Variants in ADAM10 observed in about 807,000 individuals in gnomAD.
ADAM10 encodes disintegrin and metalloproteinase domain-containing protein 10.
ADAM10 carries 17 observed loss-of-function variants against 90.1 expected under a neutral mutation model. The observed-to-expected ratio is 0.19, with a 90% confidence interval of 0.13 to 0.28. ADAM10 has a LOEUF of 0.28. ADAM10 is among the 10% of genes least tolerant of loss of function. The pLI is 1.00. For synonymous variants in ADAM10, 310 were observed against 298.6 expected (o/e 1.04, Z -0.40); for missense variants, 610 against 914.3 (o/e 0.67, Z 4.29).
rs1898646386 is a variant in ADAM10 at position 58,715,981 on chromosome 15, T to C, written c.206+1596A>G. Among the ~76,000 whole-genome samples the C allele has an allele frequency of 2.0e-5, 3 of 152,158 alleles. No individual in the cohort carries two copies. The South Asian group carries it at 6.2e-4, about 32-fold the overall frequency. On this transcript the variant is annotated intron_variant, in intron 2 of 15. Transcript: ENST00000260408. ...TCATTAAAAACAGTAAGACTAATGA[T>C]TGCTTGTAATTTCATAGTACATAAA...
chr15:58,591,603 AG>A lies in ADAM10; in HGVS notation c.*5943del, dbSNP rs1387730651. On this transcript the variant is annotated 3_prime_UTR_variant, in exon 16 of 16. Coordinates refer to ENST00000260408, the MANE Select transcript of ADAM10 (RefSeq NM_001110.4). ...TATGAAAAATTTCAAATATAAACAC[AG>A]GTAGAGAAAATAGTATAATAAATCC... 2 of 152,148 alleles carry A rather than the reference AG, an allele frequency of 1.3e-5. No homozygotes were observed. The highest frequency in any genetic ancestry group is 1.3e-4 in the Admixed American group (2 of 15,274). 9.4% of individuals were successfully genotyped at this position (152,148 alleles called of 1,614,324 possible).
intron 4 of ADAM10, among the ~76,000 whole-genome samples, chr15:58,665,789 A>C (rs961862442): frequency 6.6e-6 from 1 of 151,984 alleles, no homozygotes; most frequent in Non-Finnish European, 1.5e-5. Context: ...TTGTCACCCA[A>C]GTCATTACTG....
intron 14 of ADAM10, among the ~76,000 whole-genome samples, chr15:58,600,829 C>T (rs1435551037): frequency 3.3e-5 from 5 of 152,134 alleles, no homozygotes; most frequent in Non-Finnish European, 1.5e-5. Context: ...TTATTTAACA[C>T]AGGTTACTGT....
At chr15:58,634,470 AT>A (rs1380397007) in intron 8 of ADAM10, among the ~76,000 whole-genome samples, 1 of 152,168 alleles carries the variant, frequency 6.6e-6, no homozygotes, top group Admixed American at 6.5e-5. Flanking sequence ...TATTTTTATC[AT>A]TTTGTACTTC....
At chr15:58,605,958 A>T (rs912009570) in intron 14 of ADAM10, among the ~76,000 whole-genome samples, 2 of 152,020 alleles carry the variant, frequency 1.3e-5, no homozygotes, top group African/African-American at 2.4e-5. Context: ...AGTATCATCT[A>T]AAAAAAAGTG....
intron 15 of ADAM10, among the ~76,000 whole-genome samples, chr15:58,598,152 T>C (rs1220133699): frequency 6.6e-6 from 1 of 152,226 alleles, no homozygotes; most frequent in South Asian, 2.1e-4. Context: ...TTAACGTATA[T>C]AGCCTGTTGT....
At chr15:58,609,972 AC>A (rs1378769534) in intron 14 of ADAM10, 3 of 297,304 alleles carry the variant, frequency 1.0e-5, no homozygotes, top group Admixed American at 9.5e-5. Flanking sequence ...TTGAAAAACA[AC>A]AAAAAAAAAT....
intron 14 of ADAM10, among the ~76,000 whole-genome samples, chr15:58,607,236 A>G (rs2140994518): frequency 6.6e-6 from 1 of 152,356 alleles, no homozygotes; most frequent in South Asian, 2.1e-4. Context: ...AGACCCAGAT[A>G]CTTAAACCCA....
At chr15:58,731,351 G>A (rs1899230080) in intron 1 of ADAM10, among the ~76,000 whole-genome samples, 1 of 152,118 alleles carries the variant, frequency 6.6e-6, no homozygotes, top group African/African-American at 2.4e-5. Context: ...AGGTGCAGTG[G>A]CTCACACCTG....
At chr15:58,600,841 A>G (rs1895088413) in intron 14 of ADAM10, among the ~76,000 whole-genome samples, 2 of 152,206 alleles carry the variant, frequency 1.3e-5, no homozygotes, top group Non-Finnish European at 2.9e-5. Context: ...GGTTACTGTA[A>G]CATATATAAT....
In ADAM10 at chr15:58,675,038, A is replaced by T. The variant is rs112370111; in HGVS notation, c.484+4086T>A. Among the ~76,000 whole-genome samples, 532 of 152,338 alleles carry T rather than the reference A, an allele frequency of 3.5e-3. 5 individuals carry two copies. The highest frequency in any genetic ancestry group is 0.012 in the African/African-American group (511 of 41,568). On this transcript the variant is annotated intron_variant, in intron 4 of 15. Transcript: ENST00000260408. Reference sequence around the variant, plus strand: ...TGGTGAAACCCCGTCTCTACTAAAAATACAAAAATTAGCTGGGCGTGATGG... The same window carrying T: ...TGGTGAAACCCCGTCTCTACTAAAATTACAAAAATTAGCTGGGCGTGATGG...
chr15:58,695,705 G>A lies in ADAM10; in HGVS notation c.207-13391C>T, dbSNP rs77274772. 5.9e-5 allele frequency among the ~76,000 whole-genome samples: 9 copies of A among 152,270 alleles called. No homozygotes were observed. In the East Asian group the frequency reaches 1.4e-3, roughly 23 times the overall value. On this transcript the variant is annotated intron_variant, in intron 2 of 15. Coordinates refer to ENST00000260408, the MANE Select transcript of ADAM10 (RefSeq NM_001110.4). ...TAAAAAAAAAAGAACGAACATTCTG[G>A]CCTGGCACGGTATTGGTGGTAATCC...
chr15:58,731,067 A>G (rs2140837308), intron 1 of ADAM10, among the ~76,000 whole-genome samples: 1 of 152,256 alleles, frequency 6.6e-6, no homozygotes, highest in South Asian at 2.1e-4. Context: ...TCATGTATCT[A>G]TCTGTACATA....
At chr15:58,659,082 G>A (rs143253957) in intron 5 of ADAM10, among the ~76,000 whole-genome samples, 133 of 152,184 alleles carry the variant, frequency 8.7e-4, no homozygotes, top group Admixed American at 4.0e-3. Context: ...AGACCAGCCT[G>A]ACCAACATGG....
intron 2 of ADAM10, among the ~76,000 whole-genome samples, chr15:58,688,653 T>C (rs1897676877): frequency 7.0e-6 from 1 of 143,510 alleles, no homozygotes; most frequent in Non-Finnish European, 1.5e-5. Flanking sequence ...CCAAAAACTG[T>C]CGAAAGAGGG....
intron 14 of ADAM10, 43 bp downstream of exon 14, chr15:58,610,254 C>A: frequency 1.3e-6 from 2 of 1,566,386 alleles, no homozygotes; most frequent in South Asian, 2.2e-5. Context: ...AAATTAAGAT[C>A]AAACCACTTT....
At chr15:58,640,009 T>C (rs1451123833) in intron 8 of ADAM10, among the ~76,000 whole-genome samples, 1 of 152,150 alleles carries the variant, frequency 6.6e-6, no homozygotes, top group Admixed American at 6.5e-5. Context: ...TCAAAGAGCC[T>C]GGGGTCCTTT....
chr15:58,720,270 G>T (rs1898801794), intron 1 of ADAM10, among the ~76,000 whole-genome samples: 1 of 152,124 alleles, frequency 6.6e-6, no homozygotes, highest in Non-Finnish European at 1.5e-5. Context: ...CTCCTCCCAA[G>T]AGAGGTGAGA....
chr15:58,634,037 G>A (rs528078831), intron 8 of ADAM10, among the ~76,000 whole-genome samples: 30 of 152,038 alleles, frequency 2.0e-4, no homozygotes, highest in Admixed American at 1.7e-3. Context: ...ACTGCTGAGC[G>A]CAGTGGCTCA....
Sources: gnomAD v4.1 joint callset for allele counts (sites outside exome capture counted in the v4.1 genomes callset) on GRCh38, gnomAD v4.1.1 for gene constraint, MANE v1.5 for transcripts, NCBI Gene and HGNC (gene_info 2026-07-23, HGNC 2026-07-21) for gene names.